The following KCNK13 variants were observed in gnomAD, a reference collection of about 807,000 sequenced individuals.
KCNK13 encodes potassium two pore domain channel subfamily K member 13.
Under a neutral mutation model 23.4 loss-of-function variants are expected in KCNK13, and 12 were observed. The observed-to-expected ratio is 0.51, with a 90% CI of 0.33 to 0.83. The LOEUF (loss-of-function observed/expected upper bound fraction) is 0.83. KCNK13 is among the 40% of genes least tolerant of loss of function. The pLI, the probability that KCNK13 is intolerant of heterozygous loss-of-function variation, is 0.02. For synonymous variants in KCNK13, 231 were observed against 229.5 expected (o/e 1.01, Z -0.06); for missense variants, 463 against 556.3 (o/e 0.83, Z 1.69).
At chr14:90,179,201 G>T (rs887363346) in intron 1 of KCNK13, among the ~76,000 whole-genome samples, 3 of 152,162 alleles carry the variant, frequency 2.0e-5, no homozygotes, top group Non-Finnish European at 4.4e-5. Context: ...AAAGGGGATG[G>T]GTTGGGGTGG....
intron 1 of KCNK13, among the ~76,000 whole-genome samples, chr14:90,168,435 G>C (rs183360814): frequency 6.6e-6 from 1 of 152,044 alleles, no homozygotes; most frequent in East Asian, 1.9e-4. Context: ...CCTTTGCTGG[G>C]TTTTGTTGGG....
At position 90,096,724 on chromosome 14, in the gene KCNK13, A is replaced by G. The variant is rs558269392; in HGVS notation, c.334+34185A>G. ...TTGAGACTCACAACAGTGCTAGGCCAGAAAGTGGAGAATCAGCAAGAATTG... is the reference window on the plus strand; with the variant it reads ...TTGAGACTCACAACAGTGCTAGGCCGGAAAGTGGAGAATCAGCAAGAATTG... On this transcript the variant is annotated intron_variant, in intron 1 of 1. Transcript: ENST00000282146. 9.8e-5 allele frequency among the ~76,000 whole-genome samples: 15 copies of G among 152,354 alleles called. No individual in the cohort carries two copies. The South Asian group carries it at 3.1e-3, about 32-fold the overall frequency.
At chr14:90,129,567 C>T (rs1466336159) in intron 1 of KCNK13, among the ~76,000 whole-genome samples, 1 of 152,122 alleles carries the variant, frequency 6.6e-6, no homozygotes, top group Non-Finnish European at 1.5e-5. Flanking sequence ...AGTGGGATGG[C>T]TGTGCTGTAG....
chr14:90,088,114 C>G (rs1036119231), intron 1 of KCNK13, among the ~76,000 whole-genome samples: 1 of 152,106 alleles, frequency 6.6e-6, no homozygotes, highest in South Asian at 2.1e-4. Context: ...GCGGTTCTTA[C>G]ACCTCAGCCT....
Position 90,112,771 on chromosome 14 carries a change from T to G in KCNK13, c.334+50232T>G, listed in dbSNP as rs183084164. Among the ~76,000 whole-genome samples, 275 of 152,010 alleles carry G rather than the reference T, an allele frequency of 1.8e-3. 5 individuals are homozygous for G. Among genetic ancestry groups the G allele is most frequent in the Non-Finnish European group, 6.9e-4 (47 of 67,990 alleles). On this transcript the variant is annotated intron_variant, in intron 1 of 1. Transcript: ENST00000282146. ...ATATGCAGAATTTGACTCAGGAAAA[T>G]TGATCTTGGTGGAAATGTGATCATC...
In KCNK13 at chr14:90,067,130, G is replaced by A. The variant is rs1268497401; in HGVS notation, c.334+4591G>A. ...CTAAAAATAAACAAATTAGCTGGGT[G>A]TGGTGGCCTGTGCCTGTAGTCCCAG... On this transcript the variant is annotated intron_variant, in intron 1 of 1. Transcript: ENST00000282146. 5.3e-5 allele frequency among the ~76,000 whole-genome samples: 8 copies of A among 152,306 alleles called. No individual in the cohort carries two copies. The East Asian group carries it at 1.5e-3, about 29-fold the overall frequency.
rs1596760255 is a variant in KCNK13 at position 90,062,199 on chromosome 14, C to A, written c.-7C>A. 1 of 1,362,852 alleles carries A rather than the reference C, an allele frequency of 7.3e-7. No homozygotes were observed. The highest frequency in any genetic ancestry group is 3.1e-5 in the East Asian group (1 of 32,226). The allele number at this position is 1,362,852 out of a possible 1,614,324, so 84.4% of individuals were successfully genotyped here. A position where few individuals can be genotyped will look rare whatever the true frequency, so the allele number is the denominator to read the frequency against. On this transcript the variant is annotated 5_prime_UTR_variant, in exon 1 of 2. Transcript: ENST00000282146. This position sits in a 1 kb window ranked among gnomAD's most constrained non-coding sequence, Gnocchi z 4.5. Reference sequence around the variant, plus strand: ...TGGGCCTGGGGGCTGCCCCCGGGGGCCCGGCCATGGCTGGCCGGGGTTTCA... The same window carrying A: ...TGGGCCTGGGGGCTGCCCCCGGGGGACCGGCCATGGCTGGCCGGGGTTTCA...
intron 1 of KCNK13, among the ~76,000 whole-genome samples, chr14:90,173,564 A>G (rs891598508): frequency 7.2e-5 from 11 of 152,126 alleles, no homozygotes; most frequent in Non-Finnish European, 1.2e-4. Context: ...CAGGTGCAGT[A>G]AGGCCAGATA....
intron 1 of KCNK13, among the ~76,000 whole-genome samples, chr14:90,102,889 TA>T (rs1889498415): frequency 6.6e-6 from 1 of 152,202 alleles, no homozygotes; most frequent in Non-Finnish European, 1.5e-5. Flanking sequence ...ACTCAGGTAA[TA>T]AGCATTATAC....
At chr14:90,075,309 A>T (rs1889121821) in intron 1 of KCNK13, among the ~76,000 whole-genome samples, 1 of 152,162 alleles carries the variant, frequency 6.6e-6, no homozygotes, top group Non-Finnish European at 1.5e-5. Flanking sequence ...AGAATCTTTC[A>T]GCTTGGGGTT....
intron 1 of KCNK13, among the ~76,000 whole-genome samples, chr14:90,073,689 G>A (rs1463830163): frequency 6.6e-6 from 1 of 152,032 alleles, no homozygotes; most frequent in African/African-American, 2.4e-5. Context: ...GTTTTTTCTG[G>A]AGACAGAGTC....
At chr14:90,156,292 A>G (rs1890194396) in intron 1 of KCNK13, among the ~76,000 whole-genome samples, 1 of 151,998 alleles carries the variant, frequency 6.6e-6, no homozygotes, top group Admixed American at 6.6e-5. Flanking sequence ...ACGAACAGAG[A>G]GAGTGGAGAA....
At chr14:90,141,173 C>A (rs1222892051) in intron 1 of KCNK13, among the ~76,000 whole-genome samples, 1 of 152,230 alleles carries the variant, frequency 6.6e-6, no homozygotes, top group South Asian at 2.1e-4. Flanking sequence ...AGGTTGACTG[C>A]ATTCCCAGGA....
At chr14:90,109,482 C>G (rs1430796608) in intron 1 of KCNK13, among the ~76,000 whole-genome samples, 1 of 142,174 alleles carries the variant, frequency 7.0e-6, no homozygotes, top group Admixed American at 7.2e-5. Flanking sequence ...GATCTCGGCT[C>G]ACTGCAAGCT....
chr14:90,126,112 A>G (rs950070646), intron 1 of KCNK13, among the ~76,000 whole-genome samples: 2 of 152,172 alleles, frequency 1.3e-5, no homozygotes, highest in Admixed American at 6.5e-5. Flanking sequence ...ACTTAAATAT[A>G]AAGTAAATAT....
chr14:90,184,044 G>T lies in KCNK13; in HGVS notation c.335-67G>T. The T allele has an allele frequency of 2.1e-6, 3 of 1,429,670 alleles. No homozygotes were observed. Among genetic ancestry groups the T allele is most frequent in the Non-Finnish European group, 1.9e-6 (2 of 1,046,926 alleles). The allele number at this position is 1,429,670 out of a possible 1,614,324, so 88.6% of individuals were successfully genotyped here. A position where few individuals can be genotyped will look rare whatever the true frequency, so the allele number is the denominator to read the frequency against. ...TTTAGGTCCTTTGCCAGCCATCAAA[G>T]CCAAGACCTAGACCCCATTCACAGC... is the stretch of plus-strand genomic sequence containing the variant. On this transcript the variant is annotated intron_variant, in intron 1 of 1. Coordinates refer to ENST00000282146, the MANE Select transcript of KCNK13 (RefSeq NM_022054.4). This position sits in a 1 kb window ranked among gnomAD's most constrained non-coding sequence, Gnocchi z 5.6.
chr14:90,098,123 C>T (rs1232273952), intron 1 of KCNK13, among the ~76,000 whole-genome samples: 1 of 152,198 alleles, frequency 6.6e-6, no homozygotes, highest in African/African-American at 2.4e-5. Flanking sequence ...CACACATTCA[C>T]CTGTGGGTTC....
Position 90,149,345 on chromosome 14 carries a change from G to A in KCNK13, c.335-34766G>A, listed in dbSNP as rs117950772. Among the ~76,000 whole-genome samples, 1,205 of 152,300 alleles carry A rather than the reference G, an allele frequency of 7.9e-3. 6 individuals carry two copies. The highest frequency in any genetic ancestry group is 0.013 in the Admixed American group (201 of 15,290). On this transcript the variant is annotated intron_variant, in intron 1 of 1. Coordinates refer to ENST00000282146, the MANE Select transcript of KCNK13 (RefSeq NM_022054.4). ...CACTTGAACCTGGGCTACAGAGCAA[G>A]ACTCTGTCTCAAAAAAAGAAAGAAA...
In KCNK13 at chr14:90,062,556, G is replaced by C. The variant is rs374786780; in HGVS notation, c.334+17G>C. ...CCACCATAGGTAAGTGTGCTGGCCG[G>C]ACTCGCTGACAACCTCCGGGCGGCC... On this transcript the variant is annotated intron_variant, in intron 1 of 1. Transcript: ENST00000282146. This position sits in a 1 kb window ranked among gnomAD's most constrained non-coding sequence, Gnocchi z 4.5. 14 of 1,441,270 alleles carry C rather than the reference G, an allele frequency of 9.7e-6. No individual in the cohort carries two copies. Among genetic ancestry groups the C allele is most frequent in the Non-Finnish European group, 1.3e-5 (14 of 1,092,512 alleles). 89.3% of individuals were successfully genotyped at this position (1,441,270 alleles called of 1,614,324 possible).
Sources: allele counts gnomAD v4.1 joint callset (sites outside exome capture counted in the v4.1 genomes callset), GRCh38; gene constraint gnomAD v4.1.1; non-coding constraint Gnocchi (gnomAD v3.1); transcripts MANE v1.5; gene names NCBI Gene and HGNC (gene_info 2026-07-23, HGNC 2026-07-21).